Variants in DDX10 observed in about 807,000 individuals in gnomAD.
The protein encoded by DDX10 is probable ATP-dependent RNA helicase DDX10.
In DDX10, 74 loss-of-function variants were observed where a neutral mutation model predicts 104.3. That is an observed-to-expected ratio of 0.71 (90% CI 0.59 to 0.86). The LOEUF is 0.86. Among genes scored for constraint, DDX10 ranks in the 40% least tolerant of loss-of-function variants. DDX10 has a pLI of 0.00. For missense variants in DDX10, 952 were observed against 1,040.0 expected (o/e 0.92, Z 1.16); for synonymous variants, 351 against 353.4 (o/e 0.99, Z 0.08).
chr11:108,860,595 G>A (rs1862927961), intron 16 of DDX10: 1 of 152,022 alleles, frequency 6.6e-6, no homozygotes, highest in African/African-American at 2.4e-5. Context: ...ACCCAGGCTG[G>A]AGTGCAGTGG....
intron 13 of DDX10, among the ~76,000 whole-genome samples, chr11:108,799,979 C>T (rs1861996544): frequency 1.3e-5 from 2 of 151,998 alleles, no homozygotes. Context: ...AGCGCAGTGG[C>T]ACCATCATAG....
At chr11:108,915,813 A>G (rs976545615) in intron 16 of DDX10, among the ~76,000 whole-genome samples, 12 of 152,110 alleles carry the variant, frequency 7.9e-5, no homozygotes, top group African/African-American at 2.9e-4. Context: ...CCCTTTCCCA[A>G]ATACCTATCT....
intron 9 of DDX10, among the ~76,000 whole-genome samples, chr11:108,699,021 G>C (rs2094263798): frequency 6.6e-6 from 1 of 152,078 alleles, no homozygotes; most frequent in South Asian, 2.1e-4. Flanking sequence ...TTTCTCCAAA[G>C]TCCTTTATCA....
At chr11:108,692,486 C>G (rs1486336343) in intron 8 of DDX10, among the ~76,000 whole-genome samples, 1 of 152,124 alleles carries the variant, frequency 6.6e-6, no homozygotes, top group African/African-American at 2.4e-5. Flanking sequence ...GTTGATTATA[C>G]AACTCCTGGC....
chr11:108,692,043 G>T lies in DDX10; in HGVS notation c.1138+5G>T. 1 of 1,578,432 alleles carries T rather than the reference G, an allele frequency of 6.3e-7. No individual in the cohort carries two copies. The highest frequency in any genetic ancestry group is 1.2e-5 in the South Asian group (1 of 85,232). ...ATATTGCAGCCAGGGGTCTGGGTAAGAAAACTTCCTATCATGAAATTTCTG... is the reference window on the plus strand; with the variant it reads ...ATATTGCAGCCAGGGGTCTGGGTAATAAAACTTCCTATCATGAAATTTCTG... On this transcript the variant is annotated splice_donor_5th_base_variant and intron_variant, in intron 8 of 17. Transcript: ENST00000322536.
At chr11:108,729,266 C>T (rs12793497) in intron 13 of DDX10, among the ~76,000 whole-genome samples, 14,030 of 152,132 alleles carry the variant, frequency 0.092, 819 homozygotes, top group Middle Eastern at 0.14. Context: ...CTCCTTATGC[C>T]GCTCTTATTG....
intron 8 of DDX10, among the ~76,000 whole-genome samples, chr11:108,692,732 C>T (rs1488150339): frequency 6.6e-6 from 1 of 152,092 alleles, no homozygotes; most frequent in African/African-American, 2.4e-5. Flanking sequence ...TTGGAGTACT[C>T]TAAAGCATAT....
At chr11:108,911,971 TAA>T (rs1863686771) in intron 16 of DDX10, among the ~76,000 whole-genome samples, 1 of 152,188 alleles carries the variant, frequency 6.6e-6, no homozygotes, top group African/African-American at 2.4e-5. Flanking sequence ...TTTCTATATT[TAA>T]GAGAGGTCTG....
chr11:108,778,165 A>C (rs1332393226), intron 13 of DDX10, among the ~76,000 whole-genome samples: 3 of 152,206 alleles, frequency 2.0e-5, no homozygotes, highest in Non-Finnish European at 4.4e-5. Flanking sequence ...AGCTCCAATG[A>C]CTTTCTTCAC....
At chr11:108,925,196 G>A (rs1863891529) in intron 17 of DDX10, among the ~76,000 whole-genome samples, 1 of 152,216 alleles carries the variant, frequency 6.6e-6, no homozygotes, top group African/African-American at 2.4e-5. Flanking sequence ...TTAGAGAAAG[G>A]TTGCTACACA....
At chr11:108,689,468 A>G (rs2094249082) in intron 7 of DDX10, among the ~76,000 whole-genome samples, 3 of 152,130 alleles carry the variant, frequency 2.0e-5, no homozygotes, top group Admixed American at 2.0e-4. Context: ...GCATCTCTTC[A>G]TCTAAATCTG....
intron 13 of DDX10, among the ~76,000 whole-genome samples, chr11:108,785,692 C>A (rs1861781613): frequency 6.6e-6 from 1 of 152,016 alleles, no homozygotes; most frequent in Admixed American, 6.6e-5. Context: ...TATCCATTTC[C>A]TCTAGATTTT....
chr11:108,785,453 G>A (rs997792723), intron 13 of DDX10, among the ~76,000 whole-genome samples: 1 of 152,064 alleles, frequency 6.6e-6, no homozygotes, highest in African/African-American at 2.4e-5. Flanking sequence ...GATGATGCTG[G>A]GTTCATAGAA....
At chr11:108,819,066 A>G (rs896662943) in intron 13 of DDX10, among the ~76,000 whole-genome samples, 1 of 152,102 alleles carries the variant, frequency 6.6e-6, no homozygotes, top group Non-Finnish European at 1.5e-5. Context: ...GTTTTCATAG[A>G]GTTTTTGCTC....
At chr11:108,672,209 GT>G (rs893862091) in intron 1 of DDX10, among the ~76,000 whole-genome samples, 13 of 152,052 alleles carry the variant, frequency 8.5e-5, no homozygotes, top group African/African-American at 3.1e-4. Context: ...GCTGTGCAAT[GT>G]TTTGTTTGAG....
intron 10 of DDX10, among the ~76,000 whole-genome samples, chr11:108,712,138 T>G (rs1327191807): frequency 6.6e-6 from 1 of 152,240 alleles, no homozygotes; most frequent in Non-Finnish European, 1.5e-5. Flanking sequence ...TTTTGATTAG[T>G]GTTAGCATGA....
intron 13 of DDX10, among the ~76,000 whole-genome samples, chr11:108,824,402 G>A (rs910273690): frequency 2.0e-5 from 3 of 152,158 alleles, no homozygotes; most frequent in Non-Finnish European, 2.9e-5. Context: ...AACCCTGTTA[G>A]CCAAATGACC....
intron 13 of DDX10, among the ~76,000 whole-genome samples, chr11:108,727,311 G>A (rs1407600777): frequency 1.3e-5 from 2 of 151,944 alleles, no homozygotes; most frequent in African/African-American, 4.8e-5. Flanking sequence ...TATTTAGAAA[G>A]TTATGATTTC....
intron 13 of DDX10, among the ~76,000 whole-genome samples, chr11:108,767,011 G>A (rs1053945857): frequency 7.9e-5 from 12 of 152,138 alleles, no homozygotes; most frequent in Non-Finnish European, 1.3e-4. Flanking sequence ...GGTTGTTGGG[G>A]CAAGGGACTC....
Sources: allele counts gnomAD v4.1 joint callset (sites outside exome capture counted in the v4.1 genomes callset), GRCh38; gene constraint gnomAD v4.1.1; transcripts MANE v1.5; gene names NCBI Gene and HGNC (gene_info 2026-07-23, HGNC 2026-07-21).